The following PTPRT variants were observed in gnomAD, a reference collection of about 807,000 sequenced individuals.
The protein encoded by PTPRT is receptor-type tyrosine-protein phosphatase T.
PTPRT carries 56 observed loss-of-function variants against 176.8 expected under a neutral mutation model. That is an observed-to-expected ratio of 0.32 (90% CI 0.26 to 0.40). The LOEUF is 0.40. Among genes scored for constraint, PTPRT ranks in the 10% least tolerant of loss-of-function variants. The pLI, the probability that PTPRT is intolerant of heterozygous loss-of-function variation, is 1.00. For missense variants in PTPRT, 1,540 were observed against 1,908.2 expected (o/e 0.81, Z 3.60); for synonymous variants, 783 against 739.0 (o/e 1.06, Z -0.96).
intron 2 of PTPRT, among the ~76,000 whole-genome samples, chr20:42,805,949 T>G (rs972161614): frequency 2.6e-5 from 4 of 152,046 alleles, no homozygotes; most frequent in Admixed American, 6.6e-5. Flanking sequence ...GAATATACAC[T>G]TGGAAGGCAG....
intron 17 of PTPRT, among the ~76,000 whole-genome samples, chr20:42,145,707 C>T (rs1382231699): frequency 6.6e-6 from 1 of 152,190 alleles, no homozygotes; most frequent in Non-Finnish European, 1.5e-5. Flanking sequence ...GAAGGAGTTC[C>T]TTTCCTGGGC....
chr20:42,278,475 G>A (rs891729836), intron 13 of PTPRT, among the ~76,000 whole-genome samples: 1 of 151,822 alleles, frequency 6.6e-6, no homozygotes, highest in East Asian at 2.0e-4. Context: ...ATCAGATCAC[G>A]CAGGCAAGAC....
intron 11 of PTPRT, among the ~76,000 whole-genome samples, chr20:42,324,994 G>T (rs1411625856): frequency 6.6e-6 from 1 of 152,172 alleles, no homozygotes; most frequent in African/African-American, 2.4e-5. Context: ...TTATTCATCA[G>T]ACATTTATTG....
intron 7 of PTPRT, among the ~76,000 whole-genome samples, chr20:42,644,847 T>C (rs754905838): frequency 1.3e-5 from 2 of 152,196 alleles, no homozygotes; most frequent in African/African-American, 2.4e-5. Context: ...TATATTCATA[T>C]GTATTGCACA....
intron 6 of PTPRT, among the ~76,000 whole-genome samples, chr20:42,724,778 A>G (rs917392734): frequency 6.6e-6 from 1 of 152,150 alleles, no homozygotes; most frequent in Non-Finnish European, 1.5e-5. Flanking sequence ...AGCCTAGCAT[A>G]GCATCTTCCA....
intron 1 of PTPRT, among the ~76,000 whole-genome samples, chr20:42,914,277 G>T (rs1978586112): frequency 6.6e-6 from 1 of 152,144 alleles, no homozygotes; most frequent in African/African-American, 2.4e-5. Flanking sequence ...CCCTACTCAT[G>T]TCAGGTTTTT....
At chr20:42,149,418 T>C (rs1219922528) in intron 17 of PTPRT, among the ~76,000 whole-genome samples, 2 of 63,414 alleles carry the variant, frequency 3.2e-5, no homozygotes, top group African/African-American at 1.5e-4. Flanking sequence ...TGGGAAAGTT[T>C]TGGATTTTTT....
At chr20:42,348,642 T>C (rs1224047944) in intron 11 of PTPRT, among the ~76,000 whole-genome samples, 2 of 152,138 alleles carry the variant, frequency 1.3e-5, no homozygotes, top group Admixed American at 6.6e-5. Context: ...GTGTTATATA[T>C]AGAGACAAGC....
chr20:43,044,388 C>A (rs1986751866), intron 1 of PTPRT, among the ~76,000 whole-genome samples: 1 of 152,134 alleles, frequency 6.6e-6, no homozygotes, highest in Non-Finnish European at 1.5e-5. Context: ...TCCCCCTCTC[C>A]AGGAAGACTT....
chr20:42,930,584 G>A (rs976673500), intron 1 of PTPRT, among the ~76,000 whole-genome samples: 1 of 152,092 alleles, frequency 6.6e-6, no homozygotes, highest in Non-Finnish European at 1.5e-5. Flanking sequence ...CTCAGCTCAA[G>A]TGATCCTCCT....
intron 9 of PTPRT, among the ~76,000 whole-genome samples, chr20:42,416,047 C>G (rs1483278074): frequency 1.3e-5 from 2 of 152,152 alleles, no homozygotes; most frequent in Non-Finnish European, 2.9e-5. Context: ...TGCTCAGAAC[C>G]TGGAATTGTG....
intron 2 of PTPRT, among the ~76,000 whole-genome samples, chr20:42,806,983 T>A (rs2077619268): frequency 6.6e-6 from 1 of 152,164 alleles, no homozygotes; most frequent in Non-Finnish European, 1.5e-5. Context: ...GCACTGCACT[T>A]GTGAAAACGA....
chr20:43,104,601 T>A (rs6030652), intron 1 of PTPRT, among the ~76,000 whole-genome samples: 21,133 of 152,148 alleles, frequency 0.14, 1,517 homozygotes, highest in South Asian at 0.17. Context: ...AGGCACAGAG[T>A]TGGAGCTAAA....
intron 9 of PTPRT, among the ~76,000 whole-genome samples, chr20:42,426,705 G>GA: frequency 6.6e-6 from 1 of 152,274 alleles, no homozygotes; most frequent in Admixed American, 6.5e-5. Flanking sequence ...CCGAGCTCCT[G>GA]CACCTGCCTG....
chr20:43,171,159 A>G (rs188891330), intron 1 of PTPRT, among the ~76,000 whole-genome samples: 50 of 152,312 alleles, frequency 3.3e-4, no homozygotes, highest in African/African-American at 1.2e-3. Flanking sequence ...TTCTTTAATT[A>G]TTATCTTTCT....
intron 1 of PTPRT, among the ~76,000 whole-genome samples, chr20:43,084,175 G>A (rs1278466489): frequency 2.0e-5 from 3 of 152,132 alleles, no homozygotes; most frequent in Non-Finnish European, 4.4e-5. Context: ...ACTCTTCTAA[G>A]TGACTGCCGA....
rs143676645 is a variant in PTPRT at position 42,844,828 on chromosome 20, C to G, written c.214+40979G>C. On this transcript the variant is annotated intron_variant, in intron 2 of 30. Coordinates refer to ENST00000373187, the MANE Select transcript of PTPRT (RefSeq NM_007050.6). ...GACCCCATGCTAGGAGATGGGCGTA[C>G]GGGGATTTGGCAAGCTGCCTAGTCT... Among the ~76,000 whole-genome samples the G allele has an allele frequency of 2.0e-5, 3 of 152,270 alleles. No individual in the cohort carries two copies. The East Asian group carries it at 5.8e-4, about 29-fold the overall frequency.
At chr20:43,004,799 T>C (rs1478226047) in intron 1 of PTPRT, among the ~76,000 whole-genome samples, 1 of 152,210 alleles carries the variant, frequency 6.6e-6, no homozygotes, top group Non-Finnish European at 1.5e-5. Flanking sequence ...ATCATATCAA[T>C]AGCAGAATAA....
At chr20:43,009,122 G>A (rs1049199114) in intron 1 of PTPRT, among the ~76,000 whole-genome samples, 5 of 152,166 alleles carry the variant, frequency 3.3e-5, no homozygotes, top group Non-Finnish European at 7.3e-5. Context: ...AATGGGAGCT[G>A]TGAGTCTACT....
Sources: allele counts gnomAD v4.1 joint callset (sites outside exome capture counted in the v4.1 genomes callset), GRCh38; gene constraint gnomAD v4.1.1; transcripts MANE v1.5; gene names NCBI Gene and HGNC (gene_info 2026-07-23, HGNC 2026-07-21).